ABHD17C: variants seen among roughly 807,000 people sequenced by gnomAD.
The protein encoded by ABHD17C is alpha/beta hydrolase domain-containing protein 17C.
A neutral mutation model predicts 27.9 loss-of-function variants in ABHD17C; 11 were observed. That is an observed-to-expected ratio of 0.39 (90% confidence interval 0.25 to 0.65). ABHD17C has a LOEUF of 0.65. Ranked by LOEUF, ABHD17C falls within the 30% of genes least tolerant of loss-of-function variation. The probability of loss-of-function intolerance (pLI) is 0.45; values close to 1 mark genes in which losing one functional copy is unlikely to be tolerated. For synonymous variants in ABHD17C, 233 were observed against 209.1 expected, an observed-to-expected ratio of 1.11 and a Z score of -0.98; for missense variants, 280 against 470.2, an observed-to-expected ratio of 0.60 and a Z score of 3.74.
chr15:80,702,218 A>G (rs994094443), intron 1 of ABHD17C, among the ~76,000 whole-genome samples: 1 of 152,144 alleles, frequency 6.6e-6, no homozygotes, highest in African/African-American at 2.4e-5. Flanking sequence ...AGGCACGGTG[A>G]CACAGCCTCA....
intron 1 of ABHD17C, among the ~76,000 whole-genome samples, chr15:80,731,058 C>A (rs1056503093): frequency 6.6e-6 from 1 of 152,100 alleles, no homozygotes; most frequent in African/African-American, 2.4e-5. Flanking sequence ...ATGGAAGAGT[C>A]CATGTGGTAA....
chr15:80,744,747 A>G (rs562261324), intron 1 of ABHD17C, among the ~76,000 whole-genome samples: 1 of 152,280 alleles, frequency 6.6e-6, no homozygotes, highest in Admixed American at 6.5e-5. Context: ...AAGAAAAGCT[A>G]CTCAGTCTCA....
intron 1 of ABHD17C, among the ~76,000 whole-genome samples, chr15:80,715,719 C>T (rs778119043): frequency 1.4e-4 from 21 of 152,166 alleles, no homozygotes; most frequent in Non-Finnish European, 2.9e-4. Flanking sequence ...TTCTGTGCAG[C>T]CCACATGGCT....
intron 1 of ABHD17C, among the ~76,000 whole-genome samples, chr15:80,700,187 A>G (rs1894551759): frequency 6.6e-6 from 1 of 152,176 alleles, no homozygotes; most frequent in Non-Finnish European, 1.5e-5. Context: ...ACAGTTTTAG[A>G]CTGTGTGTGC....
intron 1 of ABHD17C, among the ~76,000 whole-genome samples, chr15:80,749,044 A>G (rs1400110636): frequency 6.6e-6 from 1 of 152,148 alleles, no homozygotes; most frequent in African/African-American, 2.4e-5. Context: ...GTCTCCCAGT[A>G]AAACTTTTTC....
chr15:80,725,255 C>A (rs1431403060), intron 1 of ABHD17C, among the ~76,000 whole-genome samples: 1 of 152,154 alleles, frequency 6.6e-6, no homozygotes, highest in Non-Finnish European at 1.5e-5. Context: ...GTTTCTCCAC[C>A]GTTTCTGAGT....
chr15:80,738,894 C>G (rs1895169720), intron 1 of ABHD17C, among the ~76,000 whole-genome samples: 1 of 152,154 alleles, frequency 6.6e-6, no homozygotes, highest in African/African-American at 2.4e-5. Flanking sequence ...TATCATATAA[C>G]TACTATATGT....
intron 1 of ABHD17C, among the ~76,000 whole-genome samples, chr15:80,726,551 G>A (rs140220410): frequency 0.02 from 2,231 of 111,662 alleles, 70 homozygotes; most frequent in Admixed American, 0.13. Context: ...TTGCTCTGTC[G>A]CCTAGGCTGG....
intron 1 of ABHD17C, among the ~76,000 whole-genome samples, chr15:80,712,658 C>T (rs1051385053): frequency 3.0e-4 from 46 of 152,110 alleles, no homozygotes; most frequent in Admixed American, 9.2e-4. Context: ...TAGTACAGCC[C>T]TCCATATGTG....
At position 80,705,362 on chromosome 15, in the gene ABHD17C, T is replaced by TGTGTGTGTGTGTGTGTGTGG. The variant is rs776574776; in HGVS notation, c.590+9348_590+9349insTGTGTGTGTGTGTGGGTGTG. On this transcript the variant is annotated intron_variant, in intron 1 of 2. Transcript: ENST00000258884. ...GTGTGTGTGTGTGTGTGTGTGTGTG[T>TGTGTGTGTGTGTGTGTGTGG]GTGTGGTTAGGAGCATATATTTTAG... Among the ~76,000 whole-genome samples, 190 of 150,726 alleles carry TGTGTGTGTGTGTGTGTGTGG rather than the reference T, an allele frequency of 1.3e-3. 3 individuals are homozygous for TGTGTGTGTGTGTGTGTGTGG. The East Asian group carries it at 0.016, about 12-fold the overall frequency.
chr15:80,711,112 T>C (rs1596061674), intron 1 of ABHD17C, among the ~76,000 whole-genome samples: 5 of 152,196 alleles, frequency 3.3e-5, no homozygotes, highest in Admixed American at 2.6e-4. Context: ...CCTGAAAGAA[T>C]TGGCAGTTTT....
chr15:80,754,665 A>G lies in ABHD17C; in HGVS notation c.*295A>G, dbSNP rs186713319. On this transcript the variant is annotated 3_prime_UTR_variant, in exon 3 of 3. Transcript: ENST00000258884. Reference sequence around the variant, plus strand: ...CTAGTGCTGTATAAAGTAGCCTCGCATCTGTTTCTCAACCTTATCCATCAT... The same window carrying G: ...CTAGTGCTGTATAAAGTAGCCTCGCGTCTGTTTCTCAACCTTATCCATCAT... 4.7e-4 allele frequency: 133 copies of G among 285,080 alleles called. 1 individual carries two copies. The highest frequency in any genetic ancestry group is 5.5e-4 in the Non-Finnish European group (83 of 150,312). The allele number at this position is 285,080 out of a possible 1,614,324, so 17.7% of individuals were successfully genotyped here.
intron 1 of ABHD17C, among the ~76,000 whole-genome samples, chr15:80,705,333 T>TTGTGTGTGTGTGTGTGTGTG (rs1555421862): frequency 0.058 from 6,236 of 106,724 alleles, 359 homozygotes; most frequent in Admixed American, 0.083. Context: ...TTCCTATGAT[T>TTGTGTGTGTGTGTGTGTGTG]TGTGTGTGTG....
At chr15:80,742,183 G>A (rs141591756) in intron 1 of ABHD17C, among the ~76,000 whole-genome samples, 9 of 152,200 alleles carry the variant, frequency 5.9e-5, no homozygotes, top group African/African-American at 1.9e-4. Context: ...GTTGCCTCAC[G>A]TGATTATGGA....
At position 80,718,272 on chromosome 15, in the gene ABHD17C, A is replaced by C. The variant is rs192332615; in HGVS notation, c.590+22253A>C. Among the ~76,000 whole-genome samples, 30 of 151,956 alleles carry C rather than the reference A, an allele frequency of 2.0e-4. No individual in the cohort carries two copies. In the East Asian group the frequency reaches 5.6e-3, roughly 28 times the overall value. ...TTATTTTTTTTTTGACTGGCTTTGA[A>C]GACTTTAAAATATTTATCTATATTA... is the stretch of plus-strand genomic sequence containing the variant. On this transcript the variant is annotated intron_variant, in intron 1 of 2. Transcript: ENST00000258884.
intron 1 of ABHD17C, among the ~76,000 whole-genome samples, chr15:80,718,702 AT>A (rs1894844541): frequency 6.6e-6 from 1 of 152,120 alleles, no homozygotes; most frequent in African/African-American, 2.4e-5. Context: ...TTAATATTCA[AT>A]CTTGGTTTTT....
chr15:80,712,276 T>C (rs1316016842), intron 1 of ABHD17C, among the ~76,000 whole-genome samples: 1 of 152,080 alleles, frequency 6.6e-6, no homozygotes, highest in Admixed American at 6.5e-5. Flanking sequence ...AGAGGTAGGA[T>C]TTGTATTGAG....
At chr15:80,751,728 T>A (rs925685018) in intron 2 of ABHD17C, among the ~76,000 whole-genome samples, 14 of 152,220 alleles carry the variant, frequency 9.2e-5, no homozygotes, top group African/African-American at 3.1e-4. Flanking sequence ...CACTCCAGCT[T>A]GGGCAACAGA....
At chr15:80,751,234 C>T (rs750618834) in intron 2 of ABHD17C, among the ~76,000 whole-genome samples, 1 of 151,954 alleles carries the variant, frequency 6.6e-6, no homozygotes, top group Non-Finnish European at 1.5e-5. Flanking sequence ...GTGGTGCACA[C>T]CTGTAATCCC....
Sources: gnomAD v4.1 joint callset for allele counts (sites outside exome capture counted in the v4.1 genomes callset) on GRCh38, gnomAD v4.1.1 for gene constraint, MANE v1.5 for transcripts, NCBI Gene and HGNC (gene_info 2026-07-23, HGNC 2026-07-21) for gene names.